CHD9: variants seen among roughly 807,000 people sequenced by gnomAD.
CHD9 encodes ATP-dependent chromatin remodeler CHD9.
CHD9 carries 77 observed loss-of-function variants against 316.1 expected under a neutral mutation model. That is an observed-to-expected ratio of 0.24 (90% CI 0.20 to 0.29). CHD9 has a LOEUF of 0.29. Among genes scored for constraint, CHD9 ranks in the 10% least tolerant of loss-of-function variants. The pLI is 1.00. For missense variants in CHD9, 2,763 were observed against 3,438.1 expected (o/e 0.80, Z 4.91); for synonymous variants, 1,129 against 1,158.3 (o/e 0.97, Z 0.51).
chr16:53,267,079 A>G (rs551884686), intron 20 of CHD9, among the ~76,000 whole-genome samples: 13 of 152,328 alleles, frequency 8.5e-5, no homozygotes, highest in African/African-American at 2.9e-4. Context: ...TTTTTATCCT[A>G]TGACTATAAT....
chr16:53,067,190 G>A (rs1362467853), intron 1 of CHD9, among the ~76,000 whole-genome samples: 1 of 152,130 alleles, frequency 6.6e-6, no homozygotes, highest in Non-Finnish European at 1.5e-5. Context: ...CAGTCTGCCT[G>A]CCTCGACTTC....
chr16:53,240,667 C>T (rs1417735891), intron 12 of CHD9, among the ~76,000 whole-genome samples: 2 of 151,614 alleles, frequency 1.3e-5, no homozygotes, highest in African/African-American at 4.8e-5. Flanking sequence ...CTTGAAATAA[C>T]AGTAGTACTA....
rs373853682 is a variant in CHD9 at position 53,190,819 on chromosome 16, T to C, written c.1453-18663T>C. Among the ~76,000 whole-genome samples, 4 of 152,252 alleles carry C rather than the reference T, an allele frequency of 2.6e-5. No individual in the cohort carries two copies. The East Asian group carries it at 7.7e-4, about 29-fold the overall frequency. ...TTATAGAAATTAGTATAATATAATCTAATTTTACTTTGTAGTCAAATAATT... is the reference window on the plus strand; with the variant it reads ...TTATAGAAATTAGTATAATATAATCCAATTTTACTTTGTAGTCAAATAATT... On this transcript the variant is annotated intron_variant, in intron 2 of 38. Coordinates refer to ENST00000447540, the MANE Select transcript of CHD9 (RefSeq NM_001308319.2).
intron 1 of CHD9, among the ~76,000 whole-genome samples, chr16:53,079,415 A>G (rs2034825237): frequency 6.6e-6 from 1 of 152,254 alleles, no homozygotes; most frequent in South Asian, 2.1e-4. Flanking sequence ...ACATCTGGCC[A>G]GAAACACTTC....
At chr16:53,163,575 T>G (rs894950547) in intron 2 of CHD9, among the ~76,000 whole-genome samples, 2 of 152,188 alleles carry the variant, frequency 1.3e-5, no homozygotes, top group Admixed American at 1.3e-4. Context: ...GCAAATTGCT[T>G]TTTAACCTTC....
chr16:53,314,833 G>C lies in CHD9; in HGVS notation c.7373G>C (p.Gly2458Ala). ...RNKPPNHVSL[G>A]LTSSQISTGI... ...GGTGTTTTTTTACAGGTTTCTTTAG[G>C]CTTAACCTCCTCACAGATTTCCACA... The change falls in exon 36 of 39, where the codon GGC (glycine) becomes GCC (alanine). Residue 2458 changes from glycine (G) to alanine (A), a missense_variant. Gly to Ala is a moderately conservative substitution (Grantham distance 60). Transcript: ENST00000447540. 6.2e-7 allele frequency: 1 copy of C among 1,610,728 alleles called. No individual in the cohort carries two copies. Among genetic ancestry groups the C allele is most frequent in the Non-Finnish European group, 8.5e-7 (1 of 1,178,140 alleles).
At chr16:53,140,086 A>C (rs1348860807) in intron 1 of CHD9, among the ~76,000 whole-genome samples, 1 of 151,720 alleles carries the variant, frequency 6.6e-6, no homozygotes, top group Non-Finnish European at 1.5e-5. Context: ...CAACAGCAAG[A>C]CCCTATCTTA....
chr16:53,172,794 C>T (rs1176121914), intron 2 of CHD9, among the ~76,000 whole-genome samples: 1 of 152,014 alleles, frequency 6.6e-6, no homozygotes, highest in East Asian at 1.9e-4. Context: ...ACATTTTTTT[C>T]ATGTGCTTAT....
intron 1 of CHD9, among the ~76,000 whole-genome samples, chr16:53,117,983 G>A (rs552074312): frequency 4.6e-5 from 7 of 151,682 alleles, no homozygotes; most frequent in South Asian, 2.1e-4. Context: ...CCGCCACCAC[G>A]CCCAGCTAAT....
Position 53,268,045 on chromosome 16 carries a change from G to A in CHD9, c.4636G>A (p.Asp1546Asn), listed in dbSNP as rs763832354. The A allele has an allele frequency of 6.2e-7, 1 of 1,613,482 alleles. No homozygotes were observed. The highest frequency in any genetic ancestry group is 8.5e-7 in the Non-Finnish European group (1 of 1,179,660). ...ATATTGCCTTGTTCACTACCGAGGA[G>A]ATGAGAAGATTAAAGGTTTCATATG... ...LAYCLVHYRGDEKIKGFIWDL... is the reference protein window; with the variant it reads ...LAYCLVHYRGNEKIKGFIWDL... Residue 1546 changes from aspartate to asparagine, a missense_variant, in exon 22 of 39, where the codon GAT becomes AAT. By Grantham distance (23) the Asp-to-Asn change is conservative (BLOSUM62 1). Coordinates refer to ENST00000447540, the MANE Select transcript of CHD9 (RefSeq NM_001308319.2).
rs927844246 is a variant in CHD9, at chr16:53,247,499, A to G, written c.3661A>G (p.Lys1221Glu). The G allele has an allele frequency of 1.9e-6, 3 of 1,588,494 alleles. No homozygotes were observed. Among genetic ancestry groups the G allele is most frequent in the Non-Finnish European group, 2.6e-6 (3 of 1,164,572 alleles). The part of the protein sequence containing the change: ...LDILEDYLIH[K>E]RYLYERIDGR... ...CATTCTGGAGGACTATCTCATACAT[A>G]AAAGGTAAAGCATACTGAATTTACT... The change falls in exon 16 of 39, where the codon AAA becomes GAA. Residue 1221 changes from lysine (K) to glutamate (E), a missense_variant. Transcript: ENST00000447540.
intron 2 of CHD9, among the ~76,000 whole-genome samples, chr16:53,174,926 T>A (rs1166998964): frequency 2.6e-5 from 4 of 152,338 alleles, no homozygotes; most frequent in Admixed American, 2.6e-4. Context: ...TAAATATTCT[T>A]AAGTTTTGTT....
intron 1 of CHD9, among the ~76,000 whole-genome samples, chr16:53,090,554 C>T (rs990022675): frequency 1.3e-5 from 2 of 152,128 alleles, no homozygotes; most frequent in African/African-American, 4.8e-5. Flanking sequence ...ACGTGTATGA[C>T]GGTCCTGGCA....
chr16:53,281,900 C>T lies in CHD9; in HGVS notation c.4968-3696C>T, dbSNP rs570182373. ...CACCAGTCATTCACTACTACTTAAC[C>T]TTCTTTTATTTCATTTATAATGCCT... On this transcript the variant is annotated intron_variant, in intron 24 of 38. Coordinates refer to ENST00000447540, the MANE Select transcript of CHD9 (RefSeq NM_001308319.2). 1.2e-4 allele frequency among the ~76,000 whole-genome samples: 18 copies of T among 152,276 alleles called. 3 individuals carry two copies. In the South Asian group the frequency reaches 3.5e-3, roughly 30 times the overall value.
At chr16:53,164,552 C>T (rs1361815429) in intron 2 of CHD9, among the ~76,000 whole-genome samples, 1 of 152,006 alleles carries the variant, frequency 6.6e-6, no homozygotes, top group Non-Finnish European at 1.5e-5. Context: ...GCACTCCAGC[C>T]TGGGTGATAG....
rs898008213 is a variant in CHD9, at chr16:53,327,226, G to T, written c.*2331G>T. 1 of 152,466 alleles carries T rather than the reference G, an allele frequency of 6.6e-6. No individual in the cohort carries two copies. The highest frequency in any genetic ancestry group is 1.5e-5 in the Non-Finnish European group (1 of 67,948). The allele number at this position is 152,466 out of a possible 1,614,324, so 9.4% of individuals were successfully genotyped here. A position where few individuals can be genotyped will look rare whatever the true frequency, so the allele number is the denominator to read the frequency against. On this transcript the variant is annotated 3_prime_UTR_variant, in exon 39 of 39. Transcript: ENST00000447540. The stretch of plus-strand genomic sequence containing the variant: ...AAGTTGCAGTTGAAAGAATATCCAA[G>T]TATGTGTTGGTAGTTACTAAAAGAA...
At chr16:53,182,816 A>AAATTAAGGAATTT (rs1433640972) in intron 2 of CHD9, among the ~76,000 whole-genome samples, 1 of 152,178 alleles carries the variant, frequency 6.6e-6, no homozygotes, top group African/African-American at 2.4e-5. Flanking sequence ...TTCTTTTAAG[A>AAATTAAGGAATTT]AAGGAATGAA....
At position 53,209,766 on chromosome 16, in the gene CHD9, C is replaced by CA; in HGVS notation, c.1744dup (p.Thr582AsnfsTer6). The CA allele has an allele frequency of 1.3e-6, 2 of 1,593,300 alleles. No individual in the cohort carries two copies. The highest frequency in any genetic ancestry group is 1.8e-5 in the Admixed American group (1 of 54,858). On this transcript the variant is annotated frameshift_variant, in exon 3 of 39. Coordinates refer to ENST00000447540, the MANE Select transcript of CHD9 (RefSeq NM_001308319.2). LOFTEE classifies it high-confidence loss of function. Reference sequence around the variant, plus strand: ...AATCCAAGCCAAAGGACAAAGACAGCAAAAAAACAAAAACATGTTCTAAGT... The same window carrying CA: ...AATCCAAGCCAAAGGACAAAGACAGCAAAAAAAACAAAAACATGTTCTAAGT...
chr16:53,298,378 T>C (rs2055011294), intron 30 of CHD9: 1 of 151,936 alleles, frequency 6.6e-6, no homozygotes, highest in Non-Finnish European at 1.5e-5. Flanking sequence ...CTGGGCACAA[T>C]GGCTCATGCC....
Sources: allele counts gnomAD v4.1 joint callset (sites outside exome capture counted in the v4.1 genomes callset), GRCh38; gene constraint gnomAD v4.1.1; transcripts MANE v1.5; gene names NCBI Gene and HGNC (gene_info 2026-07-23, HGNC 2026-07-21).